TMCC1: variants seen among roughly 807,000 people sequenced by gnomAD.
TMCC1 encodes the protein transmembrane and coiled-coil domain family 1.
A neutral mutation model predicts 52.4 loss-of-function variants in TMCC1; 15 were observed. The ratio of observed to expected loss-of-function variants is 0.29; its 90% CI spans 0.19 to 0.44. TMCC1 has a LOEUF of 0.44. TMCC1 is among the 20% of genes least tolerant of loss of function. The pLI, the probability that TMCC1 is intolerant of heterozygous loss-of-function variation, is 1.00. For synonymous variants in TMCC1, 279 were observed against 301.9 expected, an observed-to-expected ratio of 0.92 and a Z score of 0.79; for missense variants, 503 against 806.0, an observed-to-expected ratio of 0.62 and a Z score of 4.55.
intron 2 of TMCC1, chr3:129,861,126 C>T (rs2060371729): frequency 6.6e-6 from 1 of 152,112 alleles, no homozygotes; most frequent in Non-Finnish European, 1.5e-5. Context: ...AGCAGAAACA[C>T]AAAATAATTA....
chr3:129,759,943 G>A (rs943836443), intron 4 of TMCC1, among the ~76,000 whole-genome samples: 2 of 151,274 alleles, frequency 1.3e-5, no homozygotes, highest in South Asian at 2.1e-4. Flanking sequence ...GGATGGTCTC[G>A]ATCTCCTGAC....
At chr3:129,763,542 C>CAAAAA (rs11354197) in intron 4 of TMCC1, among the ~76,000 whole-genome samples, 371 of 44,632 alleles carry the variant, frequency 8.3e-3, no homozygotes, top group East Asian at 0.015. Flanking sequence ...GACCCTGTCT[C>CAAAAA]AAAAAAAAAA....
chr3:129,794,434 G>A (rs923533139), intron 4 of TMCC1: 21 of 454,076 alleles, frequency 4.6e-5, no homozygotes, highest in Admixed American at 4.5e-4. Flanking sequence ...TGGGAAAGTC[G>A]GTGGCAGAAC....
At chr3:129,867,374 A>G (rs2060703137) in intron 2 of TMCC1, among the ~76,000 whole-genome samples, 1 of 152,224 alleles carries the variant, frequency 6.6e-6, no homozygotes, top group Non-Finnish European at 1.5e-5. Context: ...ATCCTCCTGT[A>G]ATCGCTTCAA....
Position 129,763,197 on chromosome 3 carries a change from C to CAAAAAAT in TMCC1, c.576+64599_576+64605dup, listed in dbSNP as rs1484198184. 8.3e-3 allele frequency among the ~76,000 whole-genome samples: 1,022 copies of CAAAAAAT among 122,642 alleles called. 36 individuals carry two copies. The highest frequency in any genetic ancestry group is 0.01 in the African/African-American group (288 of 28,792). 80.5% of individuals were successfully genotyped at this position (122,642 alleles called of 152,430 possible). A position where few individuals can be genotyped will look rare whatever the true frequency, so the allele number is the denominator to read the frequency against. On this transcript the variant is annotated intron_variant, in intron 4 of 6. Transcript: ENST00000393238. ...TGGGTGACAGAGCAAGACTCTGTCTCAAAAAATAAAAAATAAATAAATAAA... is the reference window on the plus strand; with the variant it reads ...TGGGTGACAGAGCAAGACTCTGTCTCAAAAAATAAAAAATAAAAAATAAATAAATAAA...
At position 129,650,172 on chromosome 3, in the gene TMCC1, C is replaced by T. The variant is rs1331603818; in HGVS notation, c.*1309G>A. 1 of 148,296 alleles carries T rather than the reference C, an allele frequency of 6.7e-6. No individual in the cohort carries two copies. Among genetic ancestry groups the T allele is most frequent in the Non-Finnish European group, 1.5e-5 (1 of 67,246 alleles). 9.2% of individuals were successfully genotyped at this position (148,296 alleles called of 1,614,324 possible). ...CTTTGGTTGTAATTAGGGGTGTTAA[C>T]AAAATAAATTAAGGAAACACAAGGA... is the stretch of plus-strand genomic sequence containing the variant. On this transcript the variant is annotated 3_prime_UTR_variant, in exon 7 of 7. Transcript: ENST00000393238.
chr3:129,831,124 C>T (rs557118239), intron 3 of TMCC1, among the ~76,000 whole-genome samples: 88 of 152,042 alleles, frequency 5.8e-4, no homozygotes, highest in African/African-American at 1.7e-3. Context: ...TAGAGAGATA[C>T]GGTTTCACCA....
chr3:129,680,727 C>G (rs534374741), intron 4 of TMCC1, among the ~76,000 whole-genome samples: 6 of 152,108 alleles, frequency 3.9e-5, no homozygotes, highest in East Asian at 1.9e-4. Flanking sequence ...ATGGCGAAAC[C>G]CTGTCTCTAC....
intron 4 of TMCC1, chr3:129,688,049 C>T: frequency 1.5e-6 from 1 of 657,462 alleles, no homozygotes; most frequent in Non-Finnish European, 1.9e-6. Context: ...CCTTCTGGTT[C>T]CCTTGGTCAT....
intron 4 of TMCC1, among the ~76,000 whole-genome samples, chr3:129,806,050 C>T (rs1445291977): frequency 6.6e-6 from 1 of 152,178 alleles, no homozygotes; most frequent in Non-Finnish European, 1.5e-5. Context: ...GTGTCATTTT[C>T]TTTTAATTGG....
rs1230110077 is a variant in TMCC1 at position 129,763,911 on chromosome 3, A to T, written c.576+63892T>A. Among the ~76,000 whole-genome samples the T allele has an allele frequency of 6.6e-5, 10 of 152,234 alleles. 1 individual carries two copies. The highest frequency in any genetic ancestry group is 2.4e-4 in the African/African-American group (10 of 41,574). On this transcript the variant is annotated intron_variant, in intron 4 of 6. Coordinates refer to ENST00000393238, the MANE Select transcript of TMCC1 (RefSeq NM_001017395.5). ...AACCAGTCTACTTACTTAAAAAAAAAAAAAGTTTTAAAGATGGTTTACAGG... is the reference window on the plus strand; with the variant it reads ...AACCAGTCTACTTACTTAAAAAAAATAAAAGTTTTAAAGATGGTTTACAGG...
At chr3:129,746,455 A>G (rs1281629329) in intron 4 of TMCC1, among the ~76,000 whole-genome samples, 1 of 151,942 alleles carries the variant, frequency 6.6e-6, no homozygotes, top group African/African-American at 2.4e-5. Context: ...CTAGGATTAC[A>G]GGTTTAGTTT....
chr3:129,761,278 A>C (rs927761218), intron 4 of TMCC1, among the ~76,000 whole-genome samples: 1 of 145,680 alleles, frequency 6.9e-6, no homozygotes, highest in Admixed American at 7.0e-5. Flanking sequence ...CAGTGAGCCG[A>C]GATGGCGCCA....
Position 129,771,175 on chromosome 3 carries a change from T to A in TMCC1, c.576+56628A>T, listed in dbSNP as rs367587288. ...ATCTGGTCTTGGCATAAAGAGTGGG[T>A]ACAATTTGGATAAGGAGATTGGGGA... On this transcript the variant is annotated intron_variant, in intron 4 of 6. Coordinates refer to ENST00000393238, the MANE Select transcript of TMCC1 (RefSeq NM_001017395.5). Among the ~76,000 whole-genome samples, 4 of 152,024 alleles carry A rather than the reference T, an allele frequency of 2.6e-5. No individual in the cohort carries two copies. The East Asian group carries it at 7.7e-4, about 29-fold the overall frequency.
chr3:129,829,891 A>G (rs957706634), intron 3 of TMCC1, among the ~76,000 whole-genome samples: 4 of 152,186 alleles, frequency 2.6e-5, no homozygotes, highest in African/African-American at 9.6e-5. Flanking sequence ...ACTTTTTTCA[A>G]ATATTTTATG....
intron 4 of TMCC1, among the ~76,000 whole-genome samples, chr3:129,759,589 T>TC (rs1262995004): frequency 3.3e-5 from 5 of 150,624 alleles, no homozygotes; most frequent in Non-Finnish European, 7.4e-5. Context: ...TTGAGAGTTT[T>TC]TTTTTTTTTT....
At chr3:129,664,472 T>G (rs2087291674) in intron 5 of TMCC1, among the ~76,000 whole-genome samples, 1 of 152,232 alleles carries the variant, frequency 6.6e-6, no homozygotes, top group African/African-American at 2.4e-5. Flanking sequence ...GACTGTCTCC[T>G]GTATTTTTGC....
At chr3:129,655,159 C>G in intron 5 of TMCC1, 56 bp from the exon 6 acceptor site, 1 of 1,582,256 alleles carries the variant, frequency 6.3e-7, no homozygotes, top group Non-Finnish European at 8.6e-7. Flanking sequence ...TCTTTCCTGG[C>G]ATTATTTACA....
chr3:129,649,889 G>C lies in TMCC1; in HGVS notation c.*1592C>G, dbSNP rs2625944. On this transcript the variant is annotated 3_prime_UTR_variant, in exon 7 of 7. Transcript: ENST00000393238. ...GGATGATGGAACTGGTTATGCGACG[G>C]GGGAAGGCAGCTCAGTTCATTTTTC... The C allele has an allele frequency of 0.87, 132,221 of 152,576 alleles. 57,993 individuals are homozygous for C. The highest frequency in any genetic ancestry group is 1 in the East Asian group (5,166 of 5,180). 9.5% of individuals were successfully genotyped at this position (152,576 alleles called of 1,614,324 possible).
Sources: gnomAD v4.1 joint callset for allele counts (sites outside exome capture counted in the v4.1 genomes callset) on GRCh38, gnomAD v4.1.1 for gene constraint, MANE v1.5 for transcripts, NCBI Gene and HGNC (gene_info 2026-07-23, HGNC 2026-07-21) for gene names.